PTPRF: variants seen among roughly 807,000 people sequenced by gnomAD.
The protein encoded by PTPRF is protein tyrosine phosphatase receptor type F.
Under a neutral mutation model 201.8 loss-of-function variants are expected in PTPRF, and 59 were observed. The observed-to-expected ratio is 0.29, with a 90% CI of 0.24 to 0.36. The LOEUF (loss-of-function observed/expected upper bound fraction) is 0.36, where lower values mean the gene tolerates loss of function less well. PTPRF is among the 10% of genes least tolerant of loss of function. The probability of loss-of-function intolerance (pLI) is 1.00; values close to 1 mark genes in which losing one functional copy is unlikely to be tolerated. For missense variants in PTPRF, 2,132 were observed against 2,690.5 expected (o/e 0.79, Z 4.59); for synonymous variants, 1,088 against 1,089.7 (o/e 1.00, Z 0.03).
At chr1:43,540,166 C>T (rs1325340387) in intron 2 of PTPRF, among the ~76,000 whole-genome samples, 1 of 152,154 alleles carries the variant, frequency 6.6e-6, no homozygotes, top group African/African-American at 2.4e-5. Context: ...GTTTCTTCCC[C>T]CTAGATGCCA....
chr1:43,557,820 C>T (rs1436364423), intron 5 of PTPRF, among the ~76,000 whole-genome samples: 1 of 152,062 alleles, frequency 6.6e-6, no homozygotes, highest in East Asian at 1.9e-4. Flanking sequence ...CTGAGTGAGC[C>T]CCTCCTGCTT....
intron 5 of PTPRF, among the ~76,000 whole-genome samples, chr1:43,558,690 C>G (rs1645568664): frequency 6.6e-6 from 1 of 152,224 alleles, no homozygotes; most frequent in Non-Finnish European, 1.5e-5. Flanking sequence ...CACTCCCCCT[C>G]CAACCCGCCC....
At position 43,553,959 on chromosome 1, in the gene PTPRF, G is replaced by A. The variant is rs1390691414; in HGVS notation, c.379+18G>A. ...GCTCGAAGGTACGTGCTAGGGAGACGTGGCACGGTGGGCTGCCGGGCTGAG... is the reference window on the plus strand; with the variant it reads ...GCTCGAAGGTACGTGCTAGGGAGACATGGCACGGTGGGCTGCCGGGCTGAG... On this transcript the variant is annotated intron_variant, in intron 5 of 33. Coordinates refer to ENST00000359947, the MANE Select transcript of PTPRF (RefSeq NM_002840.5). The surrounding 1 kb of genome is among the most constrained non-coding windows in gnomAD (Gnocchi z 4.1). The A allele has an allele frequency of 1.6e-5, 25 of 1,612,504 alleles. No individual in the cohort carries two copies. The highest frequency in any genetic ancestry group is 6.7e-5 in the Admixed American group (4 of 59,954).
At chr1:43,551,041 C>T (rs1056960337) in intron 3 of PTPRF, among the ~76,000 whole-genome samples, 1 of 152,080 alleles carries the variant, frequency 6.6e-6, no homozygotes, top group Admixed American at 6.5e-5. Context: ...GAGAGTGATT[C>T]GGCAGGTCTT....
intron 22 of PTPRF, chr1:43,612,838 G>A: frequency 7.4e-7 from 1 of 1,347,196 alleles, no homozygotes; most frequent in Non-Finnish European, 9.9e-7. Flanking sequence ...GGGATACTTT[G>A]GCTTCTGTGT....
At position 43,604,037 on chromosome 1, in the gene PTPRF, A is replaced by G. The variant is rs1407965948; in HGVS notation, c.2885A>G (p.Gln962Arg). 3.7e-6 allele frequency: 6 copies of G among 1,614,242 alleles called. No homozygotes were observed. The highest frequency in any genetic ancestry group is 5.1e-6 in the Non-Finnish European group (6 of 1,180,046). ...GTGTTCCGAGACATCAACAGCCAAC[A>G]GGAGCTGCAGAACATCACGACAGAC... The part of the protein sequence containing the change: ...TVVFRDINSQ[Q>R]ELQNITTDTR... The change falls in exon 16 of 34, where the codon CAG (glutamine) becomes CGG (arginine). Residue 962 changes from glutamine to arginine, a missense_variant. By Grantham distance (43) the Gln-to-Arg change is conservative (BLOSUM62 1). This residue lies in a region of PTPRF where 818 missense variants were observed against 915.3 expected (regional missense o/e 0.89). Coordinates refer to ENST00000359947, the MANE Select transcript of PTPRF (RefSeq NM_002840.5).
At chr1:43,578,699 A>T in intron 6 of PTPRF, 111 bp from the exon 7 acceptor site, 1 of 787,212 alleles carries the variant, frequency 1.3e-6, no homozygotes, top group Non-Finnish European at 2.1e-6. Context: ...GGCCTGGATG[A>T]GCTTCGACAT....
Position 43,588,891 on chromosome 1 carries a change from T to G in PTPRF, c.840T>G (p.Val280=). The G allele has an allele frequency of 1.9e-6, 3 of 1,613,912 alleles. No individual in the cohort carries two copies. Among genetic ancestry groups the G allele is most frequent in the Non-Finnish European group, 2.5e-6 (3 of 1,179,834 alleles). The change falls in exon 8 of 34, where the codon GTT becomes GTG. Residue 280 remains valine, a synonymous_variant. Transcript: ENST00000359947. This position sits in a 1 kb window ranked among gnomAD's most constrained non-coding sequence, Gnocchi z 5.3. ...EELTKEDEMP[V]GRNVLELSNV... ...TCACCAAGGAGGATGAGATGCCAGT[T>G]GGCCGCAACGTCCTGGAGCTCAGCA...
intron 5 of PTPRF, among the ~76,000 whole-genome samples, chr1:43,562,326 T>C (rs1220763327): frequency 6.6e-6 from 1 of 151,976 alleles, no homozygotes; most frequent in Non-Finnish European, 1.5e-5. Flanking sequence ...GCCAGGATGG[T>C]CTTGACCTCC....
intron 5 of PTPRF, among the ~76,000 whole-genome samples, chr1:43,556,853 C>T (rs1479244942): frequency 6.6e-6 from 1 of 152,220 alleles, no homozygotes; most frequent in Non-Finnish European, 1.5e-5. Context: ...GGTGGTTGGC[C>T]TCCGTGCTGC....
intron 6 of PTPRF, among the ~76,000 whole-genome samples, chr1:43,573,101 A>G (rs1184362439): frequency 1.3e-5 from 2 of 152,190 alleles, no homozygotes; most frequent in African/African-American, 2.4e-5. Flanking sequence ...AGCTCTGCTC[A>G]GCAGGCCTTT....
At chr1:43,578,769 G>A (rs778371492) in intron 6 of PTPRF, 41 bp from the exon 7 acceptor site, 37 of 1,503,992 alleles carry the variant, frequency 2.5e-5, no homozygotes, top group Non-Finnish European at 2.3e-5. Flanking sequence ...GGCCACACTC[G>A]ACATGGGCCG....
chr1:43,606,616 C>A (rs1274238253), intron 20 of PTPRF, among the ~76,000 whole-genome samples, 158 bp downstream of exon 20: 1 of 152,120 alleles, frequency 6.6e-6, no homozygotes, highest in Admixed American at 6.5e-5. Flanking sequence ...CCCGGGGATC[C>A]TAAGACGCGG....
upstream of PTPRF, among the ~76,000 whole-genome samples, chr1:43,524,634 G>T (rs1366507935): frequency 6.6e-6 from 1 of 152,166 alleles, no homozygotes; most frequent in East Asian, 1.9e-4. Flanking sequence ...TAGGTGAGGG[G>T]CCTGAGAAGC....
chr1:43,531,477 C>G (rs1320735713), intron 1 of PTPRF, among the ~76,000 whole-genome samples: 1 of 144,088 alleles, frequency 6.9e-6, no homozygotes, highest in African/African-American at 2.5e-5. Context: ...CCCCTTCTAG[C>G]GCGGACGCGC....
chr1:43,529,336 A>G (rs1643258285), upstream of PTPRF, among the ~76,000 whole-genome samples: 2 of 152,228 alleles, frequency 1.3e-5, no homozygotes, highest in South Asian at 4.1e-4. Flanking sequence ...ATTCAAGTTC[A>G]GGACAAAAAC....
chr1:43,608,111 C>T (rs960777365), intron 21 of PTPRF, among the ~76,000 whole-genome samples: 4 of 152,208 alleles, frequency 2.6e-5, no homozygotes, highest in Non-Finnish European at 5.9e-5. Context: ...GACCTGTGGG[C>T]GGGTCCCTAA....
Position 43,617,402 on chromosome 1 carries a change from T to A in PTPRF, c.4072-43T>A, listed in dbSNP as rs1658130980. ...CCCCTGCAGGAGAAGCAGGTCAACC[T>A]TGGCTCTTACCCCACCCCACCCGCT... On this transcript the variant is annotated intron_variant, in intron 23 of 33. Transcript: ENST00000359947. 3 of 1,612,666 alleles carry A rather than the reference T, an allele frequency of 1.9e-6. No individual in the cohort carries two copies. In the South Asian group the frequency reaches 3.3e-5, roughly 18 times the overall value.
chr1:43,598,630 T>G, intron 12 of PTPRF, 90 bp from the exon 13 acceptor site: 1 of 1,199,824 alleles, frequency 8.3e-7, no homozygotes, highest in Non-Finnish European at 1.2e-6. Context: ...GGGAGTGGGG[T>G]GCTGAGGCAG....
Sources: gnomAD v4.1 joint callset for allele counts (sites outside exome capture counted in the v4.1 genomes callset) on GRCh38, gnomAD v4.1.1 for gene constraint, gnomAD v4.1.1 regional missense constraint, Gnocchi (gnomAD v3.1) non-coding constraint, MANE v1.5 for transcripts, NCBI Gene and HGNC (gene_info 2026-07-23, HGNC 2026-07-21) for gene names.